The following PDXDC1 variants were observed in gnomAD, a reference collection of about 807,000 sequenced individuals.
PDXDC1 encodes the protein pyridoxal dependent decarboxylase domain containing 1.
A neutral mutation model predicts 100.1 loss-of-function variants in PDXDC1; 42 were observed. The observed-to-expected ratio is 0.42, with a 90% CI of 0.33 to 0.54. The LOEUF (loss-of-function observed/expected upper bound fraction) is 0.54, where lower values mean the gene tolerates loss of function less well. Among genes scored for constraint, PDXDC1 ranks in the 20% least tolerant of loss-of-function variants. The probability of loss-of-function intolerance (pLI) is 0.10; values close to 1 mark genes in which losing one functional copy is unlikely to be tolerated. For missense variants in PDXDC1, 636 were observed against 979.2 expected, an observed-to-expected ratio of 0.65 and a Z score of 4.68; for synonymous variants, 260 against 371.7, an observed-to-expected ratio of 0.70 and a Z score of 3.46.
At chr16:15,031,367 C>G (rs2043055709) in intron 16 of PDXDC1, among the ~76,000 whole-genome samples, 2 of 152,152 alleles carry the variant, frequency 1.3e-5, no homozygotes. Flanking sequence ...CACAGTACTT[C>G]CCTTTCTCTC....
chr16:15,060,091 G>A lies in PDXDC1; in HGVS notation c.1399+30035G>A, dbSNP rs189426387. The A allele has an allele frequency of 1.6e-4, 52 of 318,194 alleles. No homozygotes were observed. The East Asian group carries it at 4.3e-3, about 26-fold the overall frequency. The allele number at this position is 318,194 out of a possible 1,614,324, so 19.7% of individuals were successfully genotyped here. A position where few individuals can be genotyped will look rare whatever the true frequency, so the allele number is the denominator to read the frequency against. On this transcript the variant is annotated intron_variant, in intron 16 of 16. Coordinates refer to the PDXDC1 transcript ENST00000535621. ...TAAGTTCCAGATTAACCATGTCATT[G>A]TTTCATTTTCACCATGGATTTTTTT... is the stretch of plus-strand genomic sequence containing the variant.
chr16:14,997,007 G>A (rs56317105), intron 1 of PDXDC1, among the ~76,000 whole-genome samples: 34,526 of 144,040 alleles, frequency 0.24, 1,703 homozygotes, highest in East Asian at 0.45. Context: ...CGGTACCCTG[G>A]GGCTGTGTAC....
chr16:15,048,483 G>A (rs750975573), intron 16 of PDXDC1, among the ~76,000 whole-genome samples: 8 of 151,808 alleles, frequency 5.3e-5, no homozygotes, highest in Non-Finnish European at 5.9e-5. Context: ...GCCTCCCAAA[G>A]TGCTGGGATT....
Position 15,006,769 on chromosome 16 carries a change from G to A in PDXDC1, c.579+186G>A, listed in dbSNP as rs559347316. ...TAAGGAATATGGGATAGATTACCCA[G>A]GGGCATCCACAGTCAACATTTTCTC... is the stretch of plus-strand genomic sequence containing the variant. On this transcript the variant is annotated intron_variant, in intron 6 of 22. Transcript: ENST00000396410. Among the ~76,000 whole-genome samples the A allele has an allele frequency of 5.2e-5, 8 of 152,410 alleles. No individual in the cohort carries two copies. The East Asian group carries it at 1.5e-3, about 29-fold the overall frequency.
At chr16:15,135,311 G>C (rs2048297129) in intron 16 of PDXDC1, 2 of 1,528,994 alleles carry the variant, frequency 1.3e-6, no homozygotes, top group Non-Finnish European at 1.8e-6. Flanking sequence ...CTTGCGGCCG[G>C]CCTTCCACAC....
chr16:15,009,070 C>G (rs1226635872), intron 7 of PDXDC1, among the ~76,000 whole-genome samples: 1 of 152,284 alleles, frequency 6.6e-6, no homozygotes, highest in Non-Finnish European at 1.5e-5. Flanking sequence ...CTTGTAATTA[C>G]TGTATCACCT....
chr16:15,003,853 G>A (rs1973703952), intron 4 of PDXDC1, among the ~76,000 whole-genome samples: 1 of 152,354 alleles, frequency 6.6e-6, no homozygotes, highest in South Asian at 2.1e-4. Context: ...GCTTGGTGGT[G>A]CGCGCCTGTA....
chr16:15,014,639 G>A (rs1435194113), intron 8 of PDXDC1, among the ~76,000 whole-genome samples: 1 of 152,250 alleles, frequency 6.6e-6, no homozygotes, highest in Non-Finnish European at 1.5e-5. Flanking sequence ...CCCTTTTCCT[G>A]GCATAGACCT....
At chr16:15,047,668 C>A (rs550148632) in intron 16 of PDXDC1, 2 of 937,232 alleles carry the variant, frequency 2.1e-6, no homozygotes, top group East Asian at 4.8e-5. Context: ...AGGGGAAAAA[C>A]GGACAGGTCT....
intron 16 of PDXDC1, among the ~76,000 whole-genome samples, chr16:15,078,292 G>A (rs2045551341): frequency 6.6e-6 from 1 of 151,972 alleles, no homozygotes; most frequent in Admixed American, 6.6e-5. Context: ...CTCCACCAAA[G>A]CTCCTCTCCC....
chr16:15,055,649 C>A, intron 16 of PDXDC1: 1 of 350,128 alleles, frequency 2.9e-6, no homozygotes, highest in Non-Finnish European at 5.1e-6. Context: ...GGGCAAGTCA[C>A]CTAACCTCTC....
intron 1 of PDXDC1, among the ~76,000 whole-genome samples, chr16:14,980,305 T>A (rs1967663598): frequency 1.3e-5 from 2 of 152,276 alleles, no homozygotes; most frequent in Non-Finnish European, 2.9e-5. Flanking sequence ...TTTATAATTT[T>A]TTTTTTTTGA....
At chr16:15,093,902 G>C (rs1285949264) in intron 16 of PDXDC1, 3 of 531,770 alleles carry the variant, frequency 5.6e-6, no homozygotes, top group Non-Finnish European at 9.8e-6. Flanking sequence ...GGGAAATCAC[G>C]AAGAGACACA....
At chr16:15,059,503 G>A (rs748921935) in intron 16 of PDXDC1, among the ~76,000 whole-genome samples, 1 of 152,070 alleles carries the variant, frequency 6.6e-6, no homozygotes, top group African/African-American at 2.4e-5. Context: ...TTTAATTAGC[G>A]CTCAGAGAGG....
At chr16:15,061,728 T>C in intron 16 of PDXDC1, 1 of 1,599,290 alleles carries the variant, frequency 6.3e-7, no homozygotes, top group Non-Finnish European at 8.6e-7. Context: ...CACATCTCAG[T>C]CACAAATTTC....
rs571710274 is a variant in PDXDC1 at position 15,135,756 on chromosome 16, C to G, written c.1400-3123C>G. Reference sequence around the variant, plus strand: ...CCATCCAGCACCAGGTCCTGTGTGTCTGACCACACGCGGTATGAGCCACCC... The same window carrying G: ...CCATCCAGCACCAGGTCCTGTGTGTGTGACCACACGCGGTATGAGCCACCC... On this transcript the variant is annotated intron_variant, in intron 16 of 16. Transcript: ENST00000535621. 20 of 1,596,704 alleles carry G rather than the reference C, an allele frequency of 1.3e-5. No individual in the cohort carries two copies. The South Asian group carries it at 2.2e-4, about 18-fold the overall frequency.
chr16:15,072,755 G>T lies in PDXDC1; in HGVS notation c.1399+42699G>T, dbSNP rs556050625. 2.0e-5 allele frequency among the ~76,000 whole-genome samples: 3 copies of T among 152,264 alleles called. No homozygotes were observed. The South Asian group carries it at 6.2e-4, about 32-fold the overall frequency. On this transcript the variant is annotated intron_variant, in intron 16 of 16. Transcript: ENST00000535621. ...AGGTTGCAGCAGTGGGCAGCAGAGC[G>T]AGACTGTGTCTCAAAAAAGAAAGGA...
At chr16:15,079,936 A>G in intron 16 of PDXDC1, 2 of 1,469,096 alleles carry the variant, frequency 1.4e-6, no homozygotes, top group Non-Finnish European at 1.8e-6. Context: ...GTTTCCACAT[A>G]CTGTGATTAT....
Position 15,037,015 on chromosome 16 carries a change from TTC to T in PDXDC1, c.*742_*743del, listed in dbSNP as rs1311463289. 2 of 152,246 alleles carry T rather than the reference TTC, an allele frequency of 1.3e-5. No homozygotes were observed. The highest frequency in any genetic ancestry group is 2.9e-5 in the Non-Finnish European group (2 of 68,038). The allele number at this position is 152,246 out of a possible 1,614,324, so 9.4% of individuals were successfully genotyped here. ...GCACACAAGTACAGACTGTGCTCATTTCTGTTTAGTATCTGAAAACCTGATAG... is the reference window on the plus strand; with the variant it reads ...GCACACAAGTACAGACTGTGCTCATTTGTTTAGTATCTGAAAACCTGATAG... On this transcript the variant is annotated 3_prime_UTR_variant, in exon 23 of 23. Transcript: ENST00000396410.
Sources: allele counts gnomAD v4.1 joint callset (sites outside exome capture counted in the v4.1 genomes callset), GRCh38; gene constraint gnomAD v4.1.1; transcripts MANE v1.5; gene names NCBI Gene and HGNC (gene_info 2026-07-23, HGNC 2026-07-21).